The following FAM120C variants were observed in gnomAD, a reference collection of about 807,000 sequenced individuals.
The protein encoded by FAM120C is constitutive coactivator of PPAR-gamma-like protein 2.
In FAM120C, 14 loss-of-function variants were observed where a neutral mutation model predicts 71.2. That is an observed-to-expected ratio of 0.20 (90% CI 0.13 to 0.31). The LOEUF (loss-of-function observed/expected upper bound fraction) is 0.31, where lower values mean the gene tolerates loss of function less well. Among genes scored for constraint, FAM120C ranks in the 10% least tolerant of loss-of-function variants. The pLI, the probability that FAM120C is intolerant of heterozygous loss-of-function variation, is 1.00. For missense variants in FAM120C, 500 were observed against 879.0 expected (o/e 0.57, Z 5.45); for synonymous variants, 354 against 353.2 (o/e 1.00, Z -0.03).
In FAM120C at chrX:54,073,132, C is replaced by G; in HGVS notation, c.3192G>C (p.Glu1064Asp). 1 of 1,211,592 alleles carries G rather than the reference C, an allele frequency of 8.3e-7. No homozygotes were observed. The highest frequency in any genetic ancestry group is 1.1e-6 in the Non-Finnish European group (1 of 895,438). The change falls in exon 16 of 16, where the codon GAG (glutamate) becomes GAC (aspartate). Residue 1064 changes from glutamate (E) to aspartate (D), a missense_variant. Transcript: ENST00000375180. ...GGAGGTAGCGGTTACCATTATTACA[C>G]TCATTGCTGTCTCTGGATAAGGCAC... ...SQCALSRDSN[E>D]CNNGNRYLPM...
rs1268822119 is a variant in FAM120C at position 54,078,835 on chromosome X, G to A, written c.3036+1397C>T. Among the ~76,000 whole-genome samples, 5 of 110,376 alleles carry A rather than the reference G, an allele frequency of 4.5e-5. No individual in the cohort carries two copies. In the East Asian group the frequency reaches 1.4e-3, roughly 31 times the overall value. On this transcript the variant is annotated intron_variant, in intron 15 of 15. Coordinates refer to ENST00000375180, the MANE Select transcript of FAM120C (RefSeq NM_017848.6). ...GGTGGGGCATACCTAATGAGGACCA[G>A]TGGGAACTGTGATATAATCCAAGGC...
chrX:54,145,981 A>G (rs2067153149), intron 4 of FAM120C, among the ~76,000 whole-genome samples: 3 of 112,249 alleles, frequency 2.7e-5, no homozygotes, highest in African/African-American at 3.2e-5. Context: ...GCAGCCATAA[A>G]AAAGGATGAG....
At chrX:54,127,365 G>A (rs900016034) in intron 9 of FAM120C, among the ~76,000 whole-genome samples, 1 of 109,047 alleles carries the variant, frequency 9.2e-6, no homozygotes, top group Admixed American at 1.0e-4. Context: ...GCCGAGGCGG[G>A]CGGATCACGA....
rs781842179 is a variant in FAM120C at position 54,134,875 on chromosome X, G to A, written c.1572C>T (p.His524=). Residue 524 remains histidine, a synonymous_variant, in exon 7 of 16, where the codon CAC becomes CAT. Coordinates refer to ENST00000375180, the MANE Select transcript of FAM120C (RefSeq NM_017848.6). ...GCTCATCACCATCAGAGGAAGAGGA[G>A]TGGGAAGAGTCTGGTCCCAAAGGAG... The part of the protein sequence containing the change: ...ASPPLGPDSS[H]SSSSDGDEPN... 3 of 1,211,580 alleles carry A rather than the reference G, an allele frequency of 2.5e-6. No individual in the cohort carries two copies. Among genetic ancestry groups the A allele is most frequent in the Non-Finnish European group, 3.4e-6 (3 of 895,448 alleles).
chrX:54,139,165 A>G (rs1268573299), intron 4 of FAM120C, among the ~76,000 whole-genome samples: 2 of 111,100 alleles, frequency 1.8e-5, no homozygotes, highest in Non-Finnish European at 3.8e-5. Context: ...CTCTTGACAC[A>G]TGATACTAAA....
intron 5 of FAM120C, 114 bp downstream of exon 5, chrX:54,136,377 C>G: frequency 1.9e-6 from 1 of 521,190 alleles, no homozygotes. Context: ...TGAGGAATGA[C>G]TTGTAGGAGG....
In FAM120C at chrX:54,070,190, A is replaced by G. The variant is rs1318606097; in HGVS notation, c.*2843T>C. The G allele has an allele frequency of 2.7e-5, 3 of 112,061 alleles. No individual in the cohort carries two copies. Among genetic ancestry groups the G allele is most frequent in the African/African-American group, 9.7e-5 (3 of 30,867 alleles). 9.2% of individuals were successfully genotyped at this position (112,061 alleles called of 1,213,427 possible). A position where few individuals can be genotyped will look rare whatever the true frequency, so the allele number is the denominator to read the frequency against. ...TTGTCAGATAAATAAAAATCTAGGA[A>G]TATGGCCATTTATGGTTCCTTCTTG... On this transcript the variant is annotated 3_prime_UTR_variant, in exon 16 of 16. Transcript: ENST00000375180.
Position 54,081,336 on chromosome X carries a change from A to G in FAM120C, c.2964T>C (p.Gly988=), listed in dbSNP as rs782189940. ...GSFGMQVVSV[G]GPGKGHGKEQ... ...TGGGTACATACCCCTTTCCTGGCCC[A>G]CCGACAGAAACCACTTGCATGCCGA... Residue 988 remains glycine (G), a synonymous_variant, in exon 14 of 16, where the codon GGT becomes GGC. Transcript: ENST00000375180. 1.7e-6 allele frequency: 2 copies of G among 1,209,098 alleles called. No individual in the cohort carries two copies. The highest frequency in any genetic ancestry group is 3.5e-5 in the South Asian group (2 of 56,562).
At chrX:54,136,215 G>T (rs1557130528) in intron 5 of FAM120C, among the ~76,000 whole-genome samples, 1 of 111,328 alleles carries the variant, frequency 9.0e-6, no homozygotes, top group Non-Finnish European at 1.9e-5. Context: ...GGCCAGGCTG[G>T]TCGTGAACTC....
intron 10 of FAM120C, among the ~76,000 whole-genome samples, chrX:54,102,106 C>T (rs1433355397): frequency 9.1e-6 from 1 of 109,751 alleles, no homozygotes; most frequent in African/African-American, 3.3e-5. Context: ...GTGATCATGG[C>T]TCACTGCAGC....
intron 10 of FAM120C, 59 bp from the exon 11 acceptor site, chrX:54,091,485 A>G (rs2066824213): frequency 3.4e-6 from 3 of 889,931 alleles, no homozygotes; most frequent in Non-Finnish European, 3.2e-6. Flanking sequence ...TGTCACAAAA[A>G]CTTATTAAGC....
At chrX:54,074,320 C>T (rs1233422968) in intron 15 of FAM120C, among the ~76,000 whole-genome samples, 1 of 112,141 alleles carries the variant, frequency 8.9e-6, no homozygotes, top group African/African-American at 3.2e-5. Context: ...GTTCTCTTAA[C>T]TGCCATGCAA....
Position 54,179,159 on chromosome X carries a change from T to C in FAM120C, c.699+3341A>G, listed in dbSNP as rs781874492. The stretch of plus-strand genomic sequence containing the variant: ...CATTTACAAAGCTTTGCAGAGCATA[T>C]AAATGAAACCAACCAAATCAAAAAA... On this transcript the variant is annotated intron_variant, in intron 1 of 15. Transcript: ENST00000375180. Among the ~76,000 whole-genome samples the C allele has an allele frequency of 6.2e-5, 7 of 112,254 alleles. No homozygotes were observed. The South Asian group carries it at 2.6e-3, about 42-fold the overall frequency.
Position 54,159,545 on chromosome X carries a change from A to C in FAM120C, c.771T>G (p.Leu257=). 5.8e-6 allele frequency: 7 copies of C among 1,210,232 alleles called. No homozygotes were observed. The highest frequency in any genetic ancestry group is 6.7e-6 in the Non-Finnish European group (6 of 894,619). ...AFFRENGFHG[L]LAHDSEYALY... ...GAGCATACTCGGAGTCATGGGCAAG[A>C]AGGCCATGGAAGCCATTTTCCCTGA... is the stretch of plus-strand genomic sequence containing the variant. Residue 257 remains leucine (L), a synonymous_variant, in exon 2 of 16, where the codon CTT becomes CTG. Coordinates refer to ENST00000375180, the MANE Select transcript of FAM120C (RefSeq NM_017848.6).
At chrX:54,108,369 T>C (rs2066917634) in intron 10 of FAM120C, among the ~76,000 whole-genome samples, 1 of 110,543 alleles carries the variant, frequency 9.0e-6, no homozygotes, top group South Asian at 3.9e-4. Flanking sequence ...AATTAATCTA[T>C]AAATTCAATT....
chrX:54,091,388 C>A lies in FAM120C; in HGVS notation c.2351G>T (p.Arg784Leu), dbSNP rs782116157. 3 of 1,210,411 alleles carry A rather than the reference C, an allele frequency of 2.5e-6. No homozygotes were observed. The highest frequency in any genetic ancestry group is 3.4e-6 in the Non-Finnish European group (3 of 894,389). ...VQWPGGRILH[R>L]HELDTFLAQA... ...TGCAAGGAAGGTGTCTAGCTCATGG[C>A]GATGCAGGATTCGGCCACCAGGCCA... is the stretch of plus-strand genomic sequence containing the variant. The change falls in exon 11 of 16, where the codon CGC (arginine) becomes CTC (leucine). Residue 784 changes from arginine (R) to leucine (L), a missense_variant. Around this residue, in one of 11 missense-constraint regions of FAM120C, gnomAD observed 104 missense variants for 254.5 expected, o/e 0.41. Transcript: ENST00000375180.
chrX:54,072,392 G>A lies in FAM120C; in HGVS notation c.*641C>T, dbSNP rs782199618. ...TCCCCCAGTACAAAGGCCATTGATA[G>A]TTTTTTTGAAGTGTATAAAATAAAA... On this transcript the variant is annotated 3_prime_UTR_variant, in exon 16 of 16. Transcript: ENST00000375180. 1 of 110,082 alleles carries A rather than the reference G, an allele frequency of 9.1e-6. No individual in the cohort carries two copies. The highest frequency in any genetic ancestry group is 3.9e-4 in the South Asian group (1 of 2,564). The allele number at this position is 110,082 out of a possible 1,213,427, so 9.1% of individuals were successfully genotyped here. A position where few individuals can be genotyped will look rare whatever the true frequency, so the allele number is the denominator to read the frequency against.
chrX:54,153,731 C>T (rs1557133305), intron 3 of FAM120C, among the ~76,000 whole-genome samples: 2 of 110,638 alleles, frequency 1.8e-5, no homozygotes, highest in South Asian at 7.6e-4. Flanking sequence ...CCATGCCCAG[C>T]TAATTTTTGT....
At chrX:54,139,467 G>A (rs1052626690) in intron 4 of FAM120C, among the ~76,000 whole-genome samples, 15 of 108,083 alleles carry the variant, frequency 1.4e-4, no homozygotes, top group Admixed American at 5.0e-4. Flanking sequence ...AGCCTCCCGA[G>A]TAGCTGGGAC....
Sources: allele counts gnomAD v4.1 joint callset (sites outside exome capture counted in the v4.1 genomes callset), GRCh38; gene constraint gnomAD v4.1.1; regional missense constraint gnomAD v4.1.1; transcripts MANE v1.5; gene names NCBI Gene and HGNC (gene_info 2026-07-23, HGNC 2026-07-21).